Variants in DEAF1 observed in about 807,000 individuals in gnomAD.
The protein encoded by DEAF1 is deformed epidermal autoregulatory factor 1 homolog.
DEAF1 carries 53 observed loss-of-function variants against 58.9 expected under a neutral mutation model. That is an observed-to-expected ratio of 0.90 (90% CI 0.72 to 1.13). DEAF1 has a LOEUF of 1.13. Among genes scored for constraint, DEAF1 ranks in the 50% most tolerant of loss-of-function variants. The probability of loss-of-function intolerance (pLI) is 0.00; values close to 1 mark genes in which losing one functional copy is unlikely to be tolerated. For missense variants in DEAF1, 685 were observed against 791.4 expected, an observed-to-expected ratio of 0.87 and a Z score of 1.61; for synonymous variants, 385 against 340.4, an observed-to-expected ratio of 1.13 and a Z score of -1.44.
Position 644,715 on chromosome 11 carries a change from G to T in DEAF1, c.1594-61C>A, listed in dbSNP as rs1250443924. ...GTGGGTGGAGCAGGGTCTGGGCAGGGTCCCCAAGGCAGACCCCAGAGGGTG... is the reference window on the plus strand; with the variant it reads ...GTGGGTGGAGCAGGGTCTGGGCAGGTTCCCCAAGGCAGACCCCAGAGGGTG... On this transcript the variant is annotated intron_variant, in intron 11 of 11. Coordinates refer to ENST00000382409, the MANE Select transcript of DEAF1 (RefSeq NM_021008.4). The surrounding 1 kb of genome is among the most constrained non-coding windows in gnomAD (Gnocchi z 4.3). 4 of 1,388,000 alleles carry T rather than the reference G, an allele frequency of 2.9e-6. No individual in the cohort carries two copies. Among genetic ancestry groups the T allele is most frequent in the African/African-American group, 1.4e-5 (1 of 70,240 alleles). 86.0% of individuals were successfully genotyped at this position (1,388,000 alleles called of 1,614,324 possible). A position where few individuals can be genotyped will look rare whatever the true frequency, so the allele number is the denominator to read the frequency against.
chr11:664,342 C>A (rs1006364743), intron 10 of DEAF1, among the ~76,000 whole-genome samples: 1 of 152,112 alleles, frequency 6.6e-6, no homozygotes, highest in Non-Finnish European at 1.5e-5. Flanking sequence ...GCAGTATCCA[C>A]CCCAAGCCAT....
chr11:667,988 G>A (rs6598001), intron 10 of DEAF1, among the ~76,000 whole-genome samples: 1 of 147,102 alleles, frequency 6.8e-6, no homozygotes, highest in Non-Finnish European at 1.5e-5. Flanking sequence ...GGCGCACGCC[G>A]ATAGTCCCAG....
chr11:644,508 G>T lies in DEAF1; in HGVS notation c.*42C>A. On this transcript the variant is annotated 3_prime_UTR_variant, in exon 12 of 12. Coordinates refer to ENST00000382409, the MANE Select transcript of DEAF1 (RefSeq NM_021008.4). This position sits in a 1 kb window ranked among gnomAD's most constrained non-coding sequence, Gnocchi z 4.3. Reference sequence around the variant, plus strand: ...GCCTTCGACCTGCAAAAGCCTCACAGGAGTGCGAGGGGCCCCAGCTCCCAG... The same window carrying T: ...GCCTTCGACCTGCAAAAGCCTCACATGAGTGCGAGGGGCCCCAGCTCCCAG... The T allele has an allele frequency of 6.6e-7, 1 of 1,520,488 alleles. No homozygotes were observed. Among genetic ancestry groups the T allele is most frequent in the Non-Finnish European group, 9.1e-7 (1 of 1,103,146 alleles). 94.2% of individuals were successfully genotyped at this position (1,520,488 alleles called of 1,614,324 possible). A position where few individuals can be genotyped will look rare whatever the true frequency, so the allele number is the denominator to read the frequency against.
chr11:680,160 C>A, intron 7 of DEAF1: 1 of 351,368 alleles, frequency 2.8e-6, no homozygotes, highest in South Asian at 2.5e-5. Flanking sequence ...AATCTTTAAT[C>A]CAAGCTGAAG....
At chr11:687,146 A>G in intron 4 of DEAF1, 149 bp from the exon 5 acceptor site, 2 of 1,194,898 alleles carry the variant, frequency 1.7e-6, no homozygotes, top group Admixed American at 3.9e-5. Context: ...TGGCCCTGAC[A>G]GGTCCACCAC....
At chr11:683,723 G>A (rs940961790) in intron 6 of DEAF1, among the ~76,000 whole-genome samples, 1 of 152,150 alleles carries the variant, frequency 6.6e-6, no homozygotes, top group South Asian at 2.1e-4. Context: ...GGAAAAAGTC[G>A]CATCTTTACT....
At chr11:695,330 C>A, upstream of DEAF1, 1 of 445,654 alleles carries the variant, frequency 2.2e-6, no homozygotes, top group Non-Finnish European at 3.9e-6. Flanking sequence ...GTCGAAGTTC[C>A]CCGAAGTGGG....
intron 10 of DEAF1, among the ~76,000 whole-genome samples, chr11:656,071 T>C (rs1324059244): frequency 6.6e-6 from 1 of 151,892 alleles, no homozygotes; most frequent in African/African-American, 2.4e-5. Flanking sequence ...TGACCTCAAA[T>C]GATCCACCTG....
At chr11:695,770 A>G, upstream of DEAF1, 1 of 1,237,532 alleles carries the variant, frequency 8.1e-7, no homozygotes, top group Non-Finnish European at 1.0e-6. Context: ...AAGGAGCGCG[A>G]GCGCGCGGGC....
At chr11:685,724 G>T (rs1316733565) in intron 5 of DEAF1, among the ~76,000 whole-genome samples, 1 of 152,042 alleles carries the variant, frequency 6.6e-6, no homozygotes, top group Non-Finnish European at 1.5e-5. Flanking sequence ...GAGAAATCAG[G>T]TAATGCCCAG....
chr11:695,358 AT>A, upstream of DEAF1: 1 of 431,358 alleles, frequency 2.3e-6, no homozygotes, highest in Non-Finnish European at 4.1e-6. Context: ...ATCAGTCCGA[AT>A]AGGTCCGAGT....
intron 1 of DEAF1, among the ~76,000 whole-genome samples, chr11:694,078 G>T (rs1564955393): frequency 6.6e-6 from 1 of 152,170 alleles, no homozygotes; most frequent in African/African-American, 2.4e-5. Context: ...CTCAGGAAGT[G>T]GGGGGTTCCT....
intron 9 of DEAF1, among the ~76,000 whole-genome samples, chr11:676,713 A>G (rs1163941979): frequency 6.6e-6 from 1 of 152,100 alleles, no homozygotes; most frequent in African/African-American, 2.4e-5. Flanking sequence ...CACGTTGGTC[A>G]GGCTGGTCTC....
chr11:706,669 A>C (rs1250927537), exon 1 of DEAF1: 1 of 152,426 alleles, frequency 6.6e-6, no homozygotes. Flanking sequence ...CGGTTCTGTG[A>C]GCAGCAGGAC....
At chr11:653,924 G>A in intron 11 of DEAF1, 38 bp downstream of exon 11, 1 of 1,589,286 alleles carries the variant, frequency 6.3e-7, no homozygotes, top group South Asian at 1.1e-5. Context: ...AGCGAGGGAG[G>A]AGGCGGGGGC....
At chr11:686,761 C>CT in intron 5 of DEAF1, 97 bp downstream of exon 5, 1 of 1,549,050 alleles carries the variant, frequency 6.5e-7, no homozygotes, top group South Asian at 1.1e-5. Flanking sequence ...CCCCATTTGT[C>CT]TGACCCCGTG....
chr11:702,279 C>T (rs547983015), intron 1 of DEAF1, among the ~76,000 whole-genome samples: 3 of 152,250 alleles, frequency 2.0e-5, no homozygotes, highest in Non-Finnish European at 4.4e-5. Context: ...AGCTTGCCCC[C>T]CAGGGCGGGC....
At chr11:698,937 C>G (rs763126533), upstream of DEAF1, 1 of 1,612,268 alleles carries the variant, frequency 6.2e-7, no homozygotes, top group Non-Finnish European at 8.5e-7. Flanking sequence ...GCCCGAATTG[C>G]TGCTGCACAG....
intron 11 of DEAF1, among the ~76,000 whole-genome samples, chr11:645,749 T>G (rs1407572739): frequency 6.6e-6 from 1 of 152,246 alleles, no homozygotes; most frequent in African/African-American, 2.4e-5. Flanking sequence ...AACCAGGCTC[T>G]GCCTCCCTGC....
Sources: gnomAD v4.1 joint callset for allele counts (sites outside exome capture counted in the v4.1 genomes callset) on GRCh38, gnomAD v4.1.1 for gene constraint, Gnocchi (gnomAD v3.1) non-coding constraint, MANE v1.5 for transcripts, NCBI Gene and HGNC (gene_info 2026-07-23, HGNC 2026-07-21) for gene names.